CACNA1C: variants seen among roughly 807,000 people sequenced by gnomAD.
CACNA1C encodes voltage-dependent L-type calcium channel subunit alpha-1C.
Under a neutral mutation model 229.0 loss-of-function variants are expected in CACNA1C, and 30 were observed. The observed-to-expected ratio is 0.13, with a 90% CI of 0.10 to 0.18. The LOEUF (loss-of-function observed/expected upper bound fraction) is 0.18. Ranked by LOEUF, CACNA1C falls within the 10% of genes least tolerant of loss-of-function variation. The pLI, the probability that CACNA1C is intolerant of heterozygous loss-of-function variation, is 1.00. For synonymous variants in CACNA1C, 1,114 were observed against 1,132.5 expected (o/e 0.98, Z 0.33); for missense variants, 1,658 against 2,845.0 (o/e 0.58, Z 9.49).
chr12:2,255,696 G>C (rs949908734), intron 3 of CACNA1C, among the ~76,000 whole-genome samples: 2 of 152,132 alleles, frequency 1.3e-5, no homozygotes, highest in Non-Finnish European at 2.9e-5. Flanking sequence ...GGATAAGTCA[G>C]ATGAGATTCC....
At chr12:2,355,617 T>G (rs187404606) in intron 3 of CACNA1C, among the ~76,000 whole-genome samples, 57 of 152,366 alleles carry the variant, frequency 3.7e-4, no homozygotes, top group Admixed American at 1.5e-3. Context: ...GTCACCTGTT[T>G]CTTGGCCCAC....
chr12:1,970,826 G>A (rs2032000751), upstream of CACNA1C: 1 of 287,990 alleles, frequency 3.5e-6, no homozygotes, highest in Middle Eastern at 1.3e-3. Flanking sequence ...AAAATACAAG[G>A]TTGAAAAGAA....
At chr12:2,221,227 G>C (rs2061391724) in intron 3 of CACNA1C, among the ~76,000 whole-genome samples, 1 of 152,206 alleles carries the variant, frequency 6.6e-6, no homozygotes, top group Admixed American at 6.5e-5. Flanking sequence ...TTGGCGGTGT[G>C]GGGAGAGGGA....
chr12:2,202,434 G>A (rs767378095), intron 3 of CACNA1C, among the ~76,000 whole-genome samples: 23 of 152,208 alleles, frequency 1.5e-4, no homozygotes, highest in Admixed American at 2.6e-4. Flanking sequence ...CACCAGAACT[G>A]GAGAACTAAG....
intron 3 of CACNA1C, among the ~76,000 whole-genome samples, chr12:2,326,095 TTCA>T (rs895864839): frequency 2.0e-5 from 3 of 152,284 alleles, no homozygotes; most frequent in Non-Finnish European, 2.9e-5. Context: ...GTTTTTGTTC[TTCA>T]TCATCAATTT....
chr12:2,665,044 C>T lies in CACNA1C; in HGVS notation c.4398+54C>T. The stretch of plus-strand genomic sequence containing the variant: ...CAGCCATGACTGCCCAGTTCCAGGG[C>T]AGTCTGAACCGTCCATCTCTGCAGC... On this transcript the variant is annotated intron_variant, in intron 35 of 46. Transcript: ENST00000399655. The surrounding 1 kb of genome is among the most constrained non-coding windows in gnomAD (Gnocchi z 5.9). 6.3e-7 allele frequency: 1 copy of T among 1,579,574 alleles called. No homozygotes were observed. Among genetic ancestry groups the T allele is most frequent in the Non-Finnish European group, 8.7e-7 (1 of 1,150,516 alleles).
chr12:2,047,168 C>T lies in CACNA1C; in HGVS notation c.140-68056C>T, dbSNP rs796536453. Among the ~76,000 whole-genome samples, 8 of 152,300 alleles carry T rather than the reference C, an allele frequency of 5.3e-5. No individual in the cohort carries two copies. In the South Asian group the frequency reaches 6.2e-4, roughly 12 times the overall value. On this transcript the variant is annotated intron_variant, in intron 1 of 46. Transcript: ENST00000682462. Reference sequence around the variant, plus strand: ...ATAATTTGCTGACAAAGCAATCTTCCGCAAGAAAGTTAACCTCTTAGCTAC... The same window carrying T: ...ATAATTTGCTGACAAAGCAATCTTCTGCAAGAAAGTTAACCTCTTAGCTAC...
rs1355547892 is a variant in CACNA1C at position 2,689,478 on chromosome 12, T to C, written c.6117+699T>C. On this transcript the variant is annotated intron_variant, in intron 46 of 46. Coordinates refer to ENST00000399655, the MANE Select transcript of CACNA1C (RefSeq NM_000719.7). The surrounding 1 kb of genome is among the most constrained non-coding windows in gnomAD (Gnocchi z 4.2). ...TGCAACGGGTGGGATGGGGAAAGGG[T>C]GGCAGGCTCAGCCCACCAGCGGACA... Among the ~76,000 whole-genome samples, 4 of 151,794 alleles carry C rather than the reference T, an allele frequency of 2.6e-5. No individual in the cohort carries two copies. The highest frequency in any genetic ancestry group is 5.9e-5 in the Non-Finnish European group (4 of 67,940).
At chr12:2,256,070 C>CTTGCTAGTT (rs2077511649) in intron 3 of CACNA1C, among the ~76,000 whole-genome samples, 1 of 152,410 alleles carries the variant, frequency 6.6e-6, no homozygotes, top group Admixed American at 6.5e-5. Context: ...CGATCCTGAC[C>CTTGCTAGTT]TTACTAGTTT....
chr12:2,587,543 A>G (rs568175410), intron 18 of CACNA1C, among the ~76,000 whole-genome samples: 57 of 152,224 alleles, frequency 3.7e-4, no homozygotes, highest in African/African-American at 1.3e-3. Flanking sequence ...CTATTAATCT[A>G]TACTCTTGGC....
At chr12:2,044,402 C>G (rs1402934645) in intron 1 of CACNA1C, among the ~76,000 whole-genome samples, 3 of 152,092 alleles carry the variant, frequency 2.0e-5, no homozygotes, top group African/African-American at 7.2e-5. Flanking sequence ...TGGTTGCCCT[C>G]GTGACTTTGC....
chr12:2,118,451 T>A (rs562622364), intron 2 of CACNA1C, among the ~76,000 whole-genome samples: 10 of 152,192 alleles, frequency 6.6e-5, no homozygotes, highest in Non-Finnish European at 1.2e-4. Context: ...TCAAGGTAAC[T>A]TTAGAGTGGA....
At position 2,677,383 on chromosome 12, in the gene CACNA1C, G is replaced by T; in HGVS notation, c.4956+162G>T. The T allele has an allele frequency of 1.3e-6, 1 of 778,730 alleles. No individual in the cohort carries two copies. Among genetic ancestry groups the T allele is most frequent in the South Asian group, 1.9e-5 (1 of 51,762 alleles). 48.2% of individuals were successfully genotyped at this position (778,730 alleles called of 1,614,324 possible). A position where few individuals can be genotyped will look rare whatever the true frequency, so the allele number is the denominator to read the frequency against. The stretch of plus-strand genomic sequence containing the variant: ...CTTTCCAAAGATGGCTGTGAGAAGG[G>T]GGTGATGTGCCCTTCCCTACCTGCC... On this transcript the variant is annotated intron_variant, in intron 40 of 46. Transcript: ENST00000399655. This position sits in a 1 kb window ranked among gnomAD's most constrained non-coding sequence, Gnocchi z 7.4.
At chr12:2,509,753 G>A (rs981079507) in intron 8 of CACNA1C, among the ~76,000 whole-genome samples, 4 of 152,094 alleles carry the variant, frequency 2.6e-5, no homozygotes, top group Admixed American at 6.5e-5. Context: ...CTAAGTGGAC[G>A]GTGAAAAGGA....
At chr12:2,318,565 C>A (rs1269318321) in intron 3 of CACNA1C, among the ~76,000 whole-genome samples, 1 of 152,240 alleles carries the variant, frequency 6.6e-6, no homozygotes, top group Non-Finnish European at 1.5e-5. Flanking sequence ...TGGCTCCTGC[C>A]CTCAAGGGGC....
rs982678795 is a variant in CACNA1C, at chr12:2,654,017, C to T, written c.4140+117C>T. 7 of 784,908 alleles carry T rather than the reference C, an allele frequency of 8.9e-6. No individual in the cohort carries two copies. In the East Asian group the frequency reaches 1.3e-4, roughly 15 times the overall value. 48.6% of individuals were successfully genotyped at this position (784,908 alleles called of 1,614,324 possible). A position where few individuals can be genotyped will look rare whatever the true frequency, so the allele number is the denominator to read the frequency against. ...TTCTCCCTTTCATTCCTGACTGTCC[C>T]TCTCCCTCCTCTTCCATTTTCTGAG... is the stretch of plus-strand genomic sequence containing the variant. On this transcript the variant is annotated intron_variant, in intron 33 of 46. Coordinates refer to ENST00000399655, the MANE Select transcript of CACNA1C (RefSeq NM_000719.7). This position sits in a 1 kb window ranked among gnomAD's most constrained non-coding sequence, Gnocchi z 4.4.
chr12:1,984,778 TAAAAAAAAA>T (rs764705302), intron 1 of CACNA1C, among the ~76,000 whole-genome samples: 2 of 81,346 alleles, frequency 2.5e-5, no homozygotes, highest in Non-Finnish European at 4.7e-5. Context: ...GGTCTTCTGG[TAAAAAAAAA>T]AAAAAAAAAA....
chr12:2,314,839 G>A (rs143647190), intron 3 of CACNA1C, among the ~76,000 whole-genome samples: 88 of 152,306 alleles, frequency 5.8e-4, no homozygotes, highest in Middle Eastern at 3.4e-3. Context: ...ATGCCTAGGA[G>A]TAGAATTGCT....
chr12:1,975,628 A>G (rs1414853919), intron 1 of CACNA1C, among the ~76,000 whole-genome samples: 1 of 152,116 alleles, frequency 6.6e-6, no homozygotes, highest in Admixed American at 6.5e-5. Flanking sequence ...CATAAAATAC[A>G]CTGCATGTCC....
Sources: gnomAD v4.1 joint callset for allele counts (sites outside exome capture counted in the v4.1 genomes callset) on GRCh38, gnomAD v4.1.1 for gene constraint, Gnocchi (gnomAD v3.1) non-coding constraint, MANE v1.5 for transcripts, NCBI Gene and HGNC (gene_info 2026-07-23, HGNC 2026-07-21) for gene names.